Variants in TRAK1 observed in about 807,000 individuals in gnomAD.
The protein encoded by TRAK1 is trafficking kinesin protein 1.
TRAK1 carries 33 observed loss-of-function variants against 92.1 expected under a neutral mutation model. The ratio of observed to expected loss-of-function variants is 0.36; its 90% CI spans 0.27 to 0.48. The LOEUF (loss-of-function observed/expected upper bound fraction) is 0.48. TRAK1 is among the 20% of genes least tolerant of loss of function. The pLI, the probability that TRAK1 is intolerant of heterozygous loss-of-function variation, is 0.99. For synonymous variants in TRAK1, 521 were observed against 517.3 expected (o/e 1.01, Z -0.10); for missense variants, 1,123 against 1,257.9 (o/e 0.89, Z 1.62).
At chr3:42,217,627 G>A in intron 14 of TRAK1, 1 of 985,378 alleles carries the variant, frequency 1.0e-6, no homozygotes, top group Non-Finnish European at 1.2e-6. Context: ...GTATGCTTCT[G>A]ATTTTAAATC....
intron 1 of TRAK1, among the ~76,000 whole-genome samples, chr3:42,111,911 ATCT>A (rs770173564): frequency 2.1e-4 from 30 of 145,942 alleles, no homozygotes; most frequent in South Asian, 1.3e-3. Context: ...GTGGGCTGAC[ATCT>A]TCTTTTTTTT....
chr3:42,213,916 C>G (rs1190202080), intron 14 of TRAK1, among the ~76,000 whole-genome samples: 1 of 152,064 alleles, frequency 6.6e-6, no homozygotes, highest in African/African-American at 2.4e-5. Flanking sequence ...GGATAGTTGG[C>G]TCACACCCAC....
At chr3:42,160,786 A>G (rs1258434291) in intron 2 of TRAK1, among the ~76,000 whole-genome samples, 1 of 152,170 alleles carries the variant, frequency 6.6e-6, no homozygotes, top group Non-Finnish European at 1.5e-5. Flanking sequence ...TTGTAATGGA[A>G]TCAAACAGGG....
At chr3:42,016,362 G>A (rs1359116305) in intron 1 of TRAK1, among the ~76,000 whole-genome samples, 1 of 152,224 alleles carries the variant, frequency 6.6e-6, no homozygotes, top group South Asian at 2.1e-4. Context: ...CTGCCACCAC[G>A]CCCAGCTAAT....
rs973475638 is a variant in TRAK1 at position 42,160,135 on chromosome 3, G to C, written c.287-16679G>C. 7 of 1,250,830 alleles carry C rather than the reference G, an allele frequency of 5.6e-6. No homozygotes were observed. In the African/African-American group the frequency reaches 1.1e-4, roughly 19 times the overall value. The allele number at this position is 1,250,830 out of a possible 1,614,324, so 77.5% of individuals were successfully genotyped here. ...CCACCCCACCCCGCCCCTCCTCCAG[G>C]CTCATAGGAGCCACCCCCTTCCGGG... is the stretch of plus-strand genomic sequence containing the variant. On this transcript the variant is annotated intron_variant, in intron 2 of 15. Transcript: ENST00000327628.
At chr3:42,084,468 A>G (rs908205604), upstream of TRAK1, among the ~76,000 whole-genome samples, 6 of 152,246 alleles carry the variant, frequency 3.9e-5, no homozygotes, top group African/African-American at 1.4e-4. Flanking sequence ...TGTAAAGAGT[A>G]CAGCTTGATG....
chr3:42,020,113 A>AGTGCTC (rs1347140409), intron 1 of TRAK1, among the ~76,000 whole-genome samples: 2 of 152,098 alleles, frequency 1.3e-5, no homozygotes, highest in Non-Finnish European at 2.9e-5. Context: ...GGAAGAGGAC[A>AGTGCTC]ATGCTCACGA....
intron 1 of TRAK1, among the ~76,000 whole-genome samples, chr3:42,026,140 C>T (rs1046408796): frequency 6.6e-6 from 1 of 152,004 alleles, no homozygotes; most frequent in Non-Finnish European, 1.5e-5. Flanking sequence ...CTTCTTTTGT[C>T]CTTTGAGGCC....
At chr3:42,131,182 A>C (rs1248031074) in intron 2 of TRAK1, among the ~76,000 whole-genome samples, 1 of 152,172 alleles carries the variant, frequency 6.6e-6, no homozygotes, top group Middle Eastern at 3.4e-3. Flanking sequence ...CTCTACCTCC[A>C]CCACTGTACC....
At position 42,223,015 on chromosome 3, in the gene TRAK1, A is replaced by G; in HGVS notation, c.2140A>G (p.Thr714Ala). 1 of 1,613,906 alleles carries G rather than the reference A, an allele frequency of 6.2e-7. No individual in the cohort carries two copies. The highest frequency in any genetic ancestry group is 1.1e-5 in the South Asian group (1 of 91,068). The change falls in exon 16 of 16, where the codon ACT becomes GCT. Residue 714 changes from threonine to alanine, a missense_variant. By Grantham distance (58) the Thr-to-Ala change is moderately conservative (BLOSUM62 0). Around this residue, in one of 3 missense-constraint regions of TRAK1, gnomAD observed 401 missense variants for 438.9 expected, o/e 0.91. Transcript: ENST00000327628. The surrounding 1 kb of genome is among the most constrained non-coding windows in gnomAD (Gnocchi z 6.1). The part of the protein sequence containing the change: ...LKSTPVATPC[T>A]PRRLSLAESF... ...ATCCACGCCGGTGGCCACACCATGC[A>G]CTCCACGGAGACTGAGCCTGGCTGA...
rs778463899 is a variant in TRAK1 at position 42,188,126 on chromosome 3, G to A, written c.562G>A (p.Glu188Lys). The A allele has an allele frequency of 3.7e-6, 6 of 1,613,942 alleles. No homozygotes were observed. The highest frequency in any genetic ancestry group is 1.3e-5 in the African/African-American group (1 of 74,884). The part of the protein sequence containing the change: ...YTSAAEESEP[E>K]SVCSTPLKRN... ...CAGCGCTGCGGAGGAGAGTGAGCCC[G>A]AGTCCGTTTGCTCAACCCCGTAAGT... Residue 188 changes from glutamate to lysine, a missense_variant, in exon 5 of 16, where the codon GAG becomes AAG. By Grantham distance (56) the Glu-to-Lys change is moderately conservative. Coordinates refer to ENST00000327628, the MANE Select transcript of TRAK1 (RefSeq NM_001042646.3).
At chr3:42,085,058 A>G (rs1704608389), upstream of TRAK1, among the ~76,000 whole-genome samples, 1 of 152,202 alleles carries the variant, frequency 6.6e-6, no homozygotes, top group Admixed American at 6.5e-5. Context: ...TCGAGTGTTT[A>G]CATGACACTC....
chr3:42,029,781 T>A (rs959951560), intron 1 of TRAK1, among the ~76,000 whole-genome samples: 1 of 152,168 alleles, frequency 6.6e-6, no homozygotes, highest in Non-Finnish European at 1.5e-5. Flanking sequence ...ACTCCTGGCC[T>A]CAAGTGATCC....
chr3:42,052,722 G>A (rs1361926159), intron 1 of TRAK1, among the ~76,000 whole-genome samples: 7 of 152,160 alleles, frequency 4.6e-5, no homozygotes, highest in Admixed American at 1.3e-4. Flanking sequence ...CTGTGTGCAT[G>A]CAGGATGTGC....
intron 3 of TRAK1, among the ~76,000 whole-genome samples, chr3:42,177,462 T>G (rs1455129204): frequency 6.6e-6 from 1 of 152,240 alleles, no homozygotes; most frequent in Non-Finnish European, 1.5e-5. Context: ...AATATGTGTA[T>G]GTGCATGCCT....
At chr3:42,177,946 C>T (rs929614008) in intron 3 of TRAK1, among the ~76,000 whole-genome samples, 4 of 152,082 alleles carry the variant, frequency 2.6e-5, no homozygotes, top group Non-Finnish European at 5.9e-5. Context: ...TTTGGGGGAC[C>T]GACCTTCAGC....
At chr3:42,145,808 A>G in intron 2 of TRAK1, 1 of 233,530 alleles carries the variant, frequency 4.3e-6, no homozygotes, top group Non-Finnish European at 8.3e-6. Flanking sequence ...GTGGGCCTGC[A>G]TGTTTAGTTG....
At chr3:42,113,736 T>C (rs890734575) in intron 1 of TRAK1, among the ~76,000 whole-genome samples, 5 of 152,028 alleles carry the variant, frequency 3.3e-5, no homozygotes, top group African/African-American at 9.7e-5. Context: ...TTTTCTTTTA[T>C]AGAGACGGGA....
chr3:42,218,928 C>A (rs777811658), intron 14 of TRAK1: 124 of 985,216 alleles, frequency 1.3e-4, no homozygotes, highest in Non-Finnish European at 1.4e-4. Context: ...CAGCTGAAGT[C>A]CCCATCTCCC....
Sources: gnomAD v4.1 joint callset for allele counts (sites outside exome capture counted in the v4.1 genomes callset) on GRCh38, gnomAD v4.1.1 for gene constraint, gnomAD v4.1.1 regional missense constraint, Gnocchi (gnomAD v3.1) non-coding constraint, MANE v1.5 for transcripts, NCBI Gene and HGNC (gene_info 2026-07-23, HGNC 2026-07-21) for gene names.